Variants in BMP6 observed in about 807,000 individuals in gnomAD.
BMP6 encodes VG-1-R.
A neutral mutation model predicts 54.1 loss-of-function variants in BMP6; 17 were observed. The observed-to-expected ratio is 0.31, with a 90% CI of 0.22 to 0.47. The LOEUF (loss-of-function observed/expected upper bound fraction) is 0.47, where lower values mean the gene tolerates loss of function less well. Ranked by LOEUF, BMP6 falls within the 20% of genes least tolerant of loss-of-function variation. The pLI, the probability that BMP6 is intolerant of heterozygous loss-of-function variation, is 1.00. For missense variants in BMP6, 720 were observed against 690.4 expected (o/e 1.04, Z -0.48); for synonymous variants, 328 against 291.2 (o/e 1.13, Z -1.28).
At chr6:7,785,446 G>A (rs899468204) in intron 1 of BMP6, among the ~76,000 whole-genome samples, 2 of 152,162 alleles carry the variant, frequency 1.3e-5, no homozygotes, top group Non-Finnish European at 2.9e-5. Flanking sequence ...AAGATTGGTT[G>A]TGTTTTATTA....
Position 7,726,918 on chromosome 6 carries a change from C to T in BMP6, c.-38C>T, listed in dbSNP as rs1411049971. 17 of 1,123,418 alleles carry T rather than the reference C, an allele frequency of 1.5e-5. No individual in the cohort carries two copies. Among genetic ancestry groups the T allele is most frequent in the Non-Finnish European group, 1.9e-5 (17 of 917,690 alleles). The allele number at this position is 1,123,418 out of a possible 1,614,324, so 69.6% of individuals were successfully genotyped here. A position where few individuals can be genotyped will look rare whatever the true frequency, so the allele number is the denominator to read the frequency against. ...TCCGGCCTCGCTCCGCCGCTCCACG[C>T]CTCGCGGGATCCGCGGGGGCAGCCC... On this transcript the variant is annotated 5_prime_UTR_variant, in exon 1 of 7. Coordinates refer to ENST00000283147, the MANE Select transcript of BMP6 (RefSeq NM_001718.6).
intron 1 of BMP6, among the ~76,000 whole-genome samples, chr6:7,750,666 A>T (rs1011810464): frequency 6.6e-6 from 1 of 152,194 alleles, no homozygotes; most frequent in African/African-American, 2.4e-5. Flanking sequence ...TTTTTTTAAA[A>T]AAGTTAAAAG....
At chr6:7,732,389 T>C (rs1761878457) in intron 1 of BMP6, among the ~76,000 whole-genome samples, 2 of 152,238 alleles carry the variant, frequency 1.3e-5, no homozygotes, top group South Asian at 4.1e-4. Context: ...ATACTATTGT[T>C]CAGACCTCAG....
chr6:7,866,852 G>A (rs1373396248), intron 4 of BMP6, among the ~76,000 whole-genome samples: 9 of 152,088 alleles, frequency 5.9e-5, no homozygotes, highest in Admixed American at 3.9e-4. Context: ...TTGTATCAAT[G>A]CCACCTATTA....
rs564547066 is a variant in BMP6, at chr6:7,859,504, C to T, written c.858-1947C>T. Among the ~76,000 whole-genome samples, 13 of 152,054 alleles carry T rather than the reference C, an allele frequency of 8.5e-5. No homozygotes were observed. In the East Asian group the frequency reaches 1.9e-3, roughly 23 times the overall value. On this transcript the variant is annotated intron_variant, in intron 2 of 6. Transcript: ENST00000283147. ...TTCTGCCCGTGACACCGATGTGTGC[C>T]GTGCTTCCTCTGGGACCGGGGCTAC...
At position 7,830,625 on chromosome 6, in the gene BMP6, C is replaced by T. The variant is rs1758778883; in HGVS notation, c.665-14515C>T. 2.0e-5 allele frequency among the ~76,000 whole-genome samples: 3 copies of T among 152,080 alleles called. 1 individual carries two copies. In the South Asian group the frequency reaches 6.2e-4, roughly 32 times the overall value. On this transcript the variant is annotated intron_variant, in intron 1 of 6. Transcript: ENST00000283147. ...GAAATACCCAAGGCTGGATAATTTA[C>T]AAAGAAAAAGAGGTTTAATGGACTC... is the stretch of plus-strand genomic sequence containing the variant.
At chr6:7,829,104 C>T (rs1191505188) in intron 1 of BMP6, among the ~76,000 whole-genome samples, 1 of 152,204 alleles carries the variant, frequency 6.6e-6, no homozygotes, top group African/African-American at 2.4e-5. Flanking sequence ...TTTCCTTAAA[C>T]CAAATAGCCC....
chr6:7,861,463 G>C lies in BMP6; in HGVS notation c.870G>C (p.Leu290=). The change falls in exon 3 of 7, where the codon CTG becomes CTC. Residue 290 remains leucine, a synonymous_variant. Transcript: ENST00000283147. The part of the protein sequence containing the change: ...LQEHQHRDSD[L]FLLDTRVVWA... ...TTCTTTCTTTCAGAGACTCTGACCT[G>C]TTTTTGTTGGACACCCGTGTAGTAT... The C allele has an allele frequency of 6.2e-7, 1 of 1,614,086 alleles. No homozygotes were observed. Among genetic ancestry groups the C allele is most frequent in the Non-Finnish European group, 8.5e-7 (1 of 1,180,014 alleles).
chr6:7,804,244 A>G (rs1320301970), intron 1 of BMP6, among the ~76,000 whole-genome samples: 1 of 152,214 alleles, frequency 6.6e-6, no homozygotes, highest in Admixed American at 6.5e-5. Context: ...AATTGCAGGC[A>G]AAGCCATCGG....
intron 1 of BMP6, among the ~76,000 whole-genome samples, chr6:7,763,268 C>CA (rs2113144270): frequency 6.6e-6 from 1 of 152,288 alleles, no homozygotes; most frequent in Non-Finnish European, 1.5e-5. Flanking sequence ...GAAAGCACAA[C>CA]ATACCCCTTT....
At chr6:7,798,242 T>TA (rs1297490456) in intron 1 of BMP6, among the ~76,000 whole-genome samples, 1 of 152,238 alleles carries the variant, frequency 6.6e-6, no homozygotes, top group African/African-American at 2.4e-5. Context: ...GGTATACCTT[T>TA]AGGCCACTCA....
Position 7,880,595 on chromosome 6 carries a change from G to A in BMP6, c.*252G>A. ...TGTAGCATAAGGTCTGGTAACTGCA[G>A]AAACATAACCGTGAAGCTCTTCCTA... is the stretch of plus-strand genomic sequence containing the variant. On this transcript the variant is annotated 3_prime_UTR_variant, in exon 7 of 7. Coordinates refer to ENST00000283147, the MANE Select transcript of BMP6 (RefSeq NM_001718.6). 3 of 517,264 alleles carry A rather than the reference G, an allele frequency of 5.8e-6. No individual in the cohort carries two copies. The highest frequency in any genetic ancestry group is 1.0e-5 in the Non-Finnish European group (3 of 291,910). 32.0% of individuals were successfully genotyped at this position (517,264 alleles called of 1,614,324 possible). A position where few individuals can be genotyped will look rare whatever the true frequency, so the allele number is the denominator to read the frequency against.
intron 5 of BMP6, among the ~76,000 whole-genome samples, chr6:7,879,574 C>T (rs1310231298): frequency 2.0e-5 from 3 of 152,094 alleles, no homozygotes; most frequent in Non-Finnish European, 2.9e-5. Flanking sequence ...CACACGTTTG[C>T]CTCGTACCTG....
intron 1 of BMP6, among the ~76,000 whole-genome samples, chr6:7,843,225 G>A (rs1759004586): frequency 6.6e-6 from 1 of 151,250 alleles, no homozygotes; most frequent in Admixed American, 6.6e-5. Context: ...TTATATTCAA[G>A]CTTTTACAGA....
intron 4 of BMP6, among the ~76,000 whole-genome samples, chr6:7,877,821 GAT>G (rs1231392872): frequency 6.6e-6 from 1 of 152,154 alleles, no homozygotes; most frequent in Non-Finnish European, 1.5e-5. Flanking sequence ...TCCCACATTA[GAT>G]GACCTTTCTC....
At chr6:7,835,854 T>G (rs760887942) in intron 1 of BMP6, among the ~76,000 whole-genome samples, 1 of 152,102 alleles carries the variant, frequency 6.6e-6, no homozygotes, top group Admixed American at 6.5e-5. Context: ...TTTCTTTTTT[T>G]GAGATGGAGT....
At chr6:7,727,671 C>T in intron 1 of BMP6, 52 bp downstream of exon 1, 1 of 1,453,914 alleles carries the variant, frequency 6.9e-7, no homozygotes. Context: ...TTTTCAGTGT[C>T]CCGGGCCCAG....
At chr6:7,849,266 A>G (rs1183035487) in intron 2 of BMP6, among the ~76,000 whole-genome samples, 1 of 152,216 alleles carries the variant, frequency 6.6e-6, no homozygotes, top group Non-Finnish European at 1.5e-5. Context: ...TTTGATGTCT[A>G]AGGCCTTCCT....
chr6:7,879,136 G>A lies in BMP6; in HGVS notation c.1267G>A (p.Asp423Asn). The A allele has an allele frequency of 6.2e-7, 1 of 1,614,108 alleles. No individual in the cohort carries two copies. Among genetic ancestry groups the A allele is most frequent in the Non-Finnish European group, 8.5e-7 (1 of 1,179,918 alleles). The change falls in exon 5 of 7, where the codon GAC (aspartate) becomes AAC (asparagine). Residue 423 changes from aspartate (D) to asparagine (N), a missense_variant. This residue lies in a region of BMP6 where 27 missense variants were observed against 80.1 expected (regional missense o/e 0.34). Transcript: ENST00000283147. ...RKHELYVSFQDLGWQDWIIAP... is the reference protein window; with the variant it reads ...RKHELYVSFQNLGWQDWIIAP... ...GCATGAGCTGTATGTGAGTTTCCAA[G>A]ACCTGGGATGGCAGGTGAGTTCTCT... is the stretch of plus-strand genomic sequence containing the variant.
Sources: gnomAD v4.1 joint callset for allele counts (sites outside exome capture counted in the v4.1 genomes callset) on GRCh38, gnomAD v4.1.1 for gene constraint, gnomAD v4.1.1 regional missense constraint, MANE v1.5 for transcripts, NCBI Gene and HGNC (gene_info 2026-07-23, HGNC 2026-07-21) for gene names.